Variants in LAMP2 observed in about 807,000 individuals in gnomAD.
The protein encoded by LAMP2 is lysosome-associated membrane glycoprotein 2.
LAMP2 carries 4 observed loss-of-function variants against 25.6 expected under a neutral mutation model. The observed-to-expected ratio is 0.16, with a 90% CI of 0.08 to 0.36. LAMP2 has a LOEUF of 0.36. Among genes scored for constraint, LAMP2 ranks in the 10% least tolerant of loss-of-function variants. The probability of loss-of-function intolerance (pLI) is 1.00; values close to 1 mark genes in which losing one functional copy is unlikely to be tolerated. For synonymous variants in LAMP2, 108 were observed against 112.7 expected (o/e 0.96, Z 0.27); for missense variants, 272 against 301.4 (o/e 0.90, Z 0.72).
intron 3 of LAMP2, among the ~76,000 whole-genome samples, chrX:120,452,506 T>C (rs185035104): frequency 3.5e-4 from 39 of 111,546 alleles, no homozygotes; most frequent in African/African-American, 1.2e-3. Flanking sequence ...GGACCACTTG[T>C]GGGAACACGG....
intron 3 of LAMP2, among the ~76,000 whole-genome samples, 186 bp downstream of exon 3, chrX:120,455,171 C>A (rs192394515): frequency 8.4e-4 from 90 of 106,831 alleles, no homozygotes; most frequent in African/African-American, 3.0e-3. Context: ...GCAATGACAG[C>A]AAATATCATC....
chrX:120,448,132 A>T, intron 4 of LAMP2, 107 bp from the exon 5 acceptor site: 1 of 648,318 alleles, frequency 1.5e-6, no homozygotes, highest in Non-Finnish European at 2.5e-6. Context: ...CAAAAGGGTT[A>T]TATTAGGGGA....
intron 8 of LAMP2, chrX:120,436,585 G>A (rs2058545828): frequency 1.4e-6 from 1 of 740,258 alleles, no homozygotes; most frequent in African/African-American, 2.3e-5. Context: ...ACATCAACTA[G>A]TGGTTTAAAC....
chrX:120,456,885 T>C (rs1200373938), intron 1 of LAMP2, 116 bp from the exon 2 acceptor site: 10 of 428,539 alleles, frequency 2.3e-5, no homozygotes, highest in Non-Finnish European at 4.1e-5. Flanking sequence ...ACAAAAGTAT[T>C]TTATATCTAT....
rs773248859 is a variant in LAMP2 at position 120,455,398 on chromosome X, T to C, written c.356A>G (p.Asn119Ser). 8.3e-7 allele frequency: 1 copy of C among 1,209,889 alleles called. No individual in the cohort carries two copies. Among genetic ancestry groups the C allele is most frequent in the South Asian group, 1.8e-5 (1 of 56,956 alleles). Residue 119 changes from asparagine (N) to serine (S), a missense_variant, in exon 3 of 9, where the codon AAC becomes AGC. Physicochemically the swap from Asn to Ser is conservative, Grantham distance 46. Coordinates refer to ENST00000200639, the MANE Select transcript of LAMP2 (RefSeq NM_002294.3). ...YSIDSVSFSYNTGDNTTFPDA... is the reference protein window; with the variant it reads ...YSIDSVSFSYSTGDNTTFPDA... The stretch of plus-strand genomic sequence containing the variant: ...AGGAAATGTTGTGTTATCACCAGTG[T>C]TGTAGGAAAATGAGACGCTGTCAAT...
intron 1 of LAMP2, among the ~76,000 whole-genome samples, chrX:120,460,874 C>T (rs770078357): frequency 2.1e-4 from 23 of 112,033 alleles, no homozygotes; most frequent in Non-Finnish European, 2.8e-4. Flanking sequence ...TCGTTTGAAC[C>T]CGGGAGGCAG....
chrX:120,427,978 G>T lies in LAMP2; in HGVS notation c.*3345C>A, dbSNP rs947510985. The T allele has an allele frequency of 3.6e-5, 4 of 111,864 alleles. No homozygotes were observed. Among genetic ancestry groups the T allele is most frequent in the East Asian group, 2.8e-4 (1 of 3,598 alleles). The allele number at this position is 111,864 out of a possible 1,213,427, so 9.2% of individuals were successfully genotyped here. On this transcript the variant is annotated 3_prime_UTR_variant, in exon 9 of 9. Transcript: ENST00000200639. ...GAAGCCATTTCTTTCTTAACTAACA[G>T]AAAAATACAGATTTAAATAATGCTG... is the stretch of plus-strand genomic sequence containing the variant.
At chrX:120,452,352 C>T (rs1415938698) in intron 3 of LAMP2, among the ~76,000 whole-genome samples, 1 of 110,519 alleles carries the variant, frequency 9.0e-6, no homozygotes, top group Non-Finnish European at 1.9e-5. Flanking sequence ...CTATGCTTCC[C>T]CCTGCTGGAA....
Position 120,426,218 on chromosome X carries a change from G to A in LAMP2, c.*5105C>T, listed in dbSNP as rs912781664. Among the ~76,000 whole-genome samples, 1 of 99,044 alleles carries A rather than the reference G, an allele frequency of 1.0e-5. No homozygotes were observed. Among genetic ancestry groups the A allele is most frequent in the African/African-American group, 3.7e-5 (1 of 26,807 alleles). 86.0% of individuals were successfully genotyped at this position (99,044 alleles called of 115,157 possible). A position where few individuals can be genotyped will look rare whatever the true frequency, so the allele number is the denominator to read the frequency against. ...AAAATCACACATACTAGATCAAACA[G>A]AAGTACCACAGTATGCTTTATTTTG... On this transcript the variant is annotated 3_prime_UTR_variant, in exon 9 of 9. Transcript: ENST00000200639.
At chrX:120,440,118 A>ACAGACCCGGGCC (rs1445241886) in intron 8 of LAMP2, among the ~76,000 whole-genome samples, 1 of 112,390 alleles carries the variant, frequency 8.9e-6, no homozygotes, top group Non-Finnish European at 1.9e-5. Flanking sequence ...TTTTCGTGCT[A>ACAGACCCGGGCC]CAATAGCAGG....
chrX:120,446,207 A>C, intron 6 of LAMP2, 98 bp downstream of exon 6: 1 of 779,961 alleles, frequency 1.3e-6, no homozygotes, highest in Non-Finnish European at 1.9e-6. Context: ...TAGAACTGGA[A>C]AATAAAGCTA....
rs765114070 is a variant in LAMP2, at chrX:120,442,087, A to T, written c.929-193T>A. 2.7e-5 allele frequency among the ~76,000 whole-genome samples: 3 copies of T among 109,467 alleles called. No individual in the cohort carries two copies. The South Asian group carries it at 1.2e-3, about 44-fold the overall frequency. On this transcript the variant is annotated intron_variant, in intron 7 of 8. Transcript: ENST00000200639. ...AACCCTGTCTCTACAAAAAATACAAAAAAAAATTAGCTGGGCATGATGGTG... is the reference window on the plus strand; with the variant it reads ...AACCCTGTCTCTACAAAAAATACAATAAAAAATTAGCTGGGCATGATGGTG...
At chrX:120,443,625 T>A (rs2058583284) in intron 6 of LAMP2, among the ~76,000 whole-genome samples, 1 of 111,013 alleles carries the variant, frequency 9.0e-6, no homozygotes, top group Non-Finnish European at 1.9e-5. Flanking sequence ...AAAGGAAACA[T>A]AAGGTTCATA....
intron 2 of LAMP2, 129 bp downstream of exon 2, chrX:120,456,521 TA>T (rs918651621): frequency 2.7e-5 from 11 of 414,154 alleles, no homozygotes; most frequent in African/African-American, 1.5e-4. Flanking sequence ...TGTGTATGCT[TA>T]AAAAAAATCC....
At chrX:120,437,419 A>C (rs112195778) in intron 8 of LAMP2, 1 of 749,209 alleles carries the variant, frequency 1.3e-6, no homozygotes, top group African/African-American at 2.4e-5. Flanking sequence ...CCACAAAAAA[A>C]AAAAAAACAC....
At chrX:120,457,311 T>G (rs1374422161) in intron 1 of LAMP2, among the ~76,000 whole-genome samples, 1 of 111,777 alleles carries the variant, frequency 8.9e-6, no homozygotes, top group South Asian at 3.6e-4. Context: ...CTTTAAATCC[T>G]GTTGCAAGCT....
At chrX:120,431,818 A>G (rs2058524454) in intron 8 of LAMP2, among the ~76,000 whole-genome samples, 1 of 112,424 alleles carries the variant, frequency 8.9e-6, no homozygotes, top group African/African-American at 3.2e-5. Context: ...TATGATGTCG[A>G]AGAAGCACAA....
At chrX:120,442,713 A>G (rs1353007942) in intron 6 of LAMP2, 51 bp from the exon 7 acceptor site, 3 of 952,545 alleles carry the variant, frequency 3.1e-6, no homozygotes, top group Admixed American at 4.4e-5. Context: ...CTGTCTACAG[A>G]TAACAGATAC....
intron 8 of LAMP2, among the ~76,000 whole-genome samples, chrX:120,432,911 A>G (rs1178555685): frequency 1.0e-5 from 1 of 100,390 alleles, no homozygotes; most frequent in African/African-American, 3.5e-5. Context: ...CCTGGGCAGC[A>G]TATCGAGAAC....
Sources: gnomAD v4.1 joint callset for allele counts (sites outside exome capture counted in the v4.1 genomes callset) on GRCh38, gnomAD v4.1.1 for gene constraint, MANE v1.5 for transcripts, NCBI Gene and HGNC (gene_info 2026-07-23, HGNC 2026-07-21) for gene names.